ARV1: variants seen among roughly 807,000 people sequenced by gnomAD.
ARV1 encodes the protein protein ARV1.
A neutral mutation model predicts 31.1 loss-of-function variants in ARV1; 26 were observed. That is an observed-to-expected ratio of 0.84 (90% CI 0.61 to 1.16). The LOEUF is 1.16. Ranked by LOEUF, ARV1 falls within the 50% of genes most tolerant of loss-of-function variation. The pLI is 0.00. For synonymous variants in ARV1, 117 were observed against 123.2 expected, an observed-to-expected ratio of 0.95 and a Z score of 0.34; for missense variants, 281 against 324.9, an observed-to-expected ratio of 0.86 and a Z score of 1.04.
intron 1 of ARV1, among the ~76,000 whole-genome samples, chr1:230,983,203 A>C (rs371906807): frequency 2.0e-5 from 3 of 152,138 alleles, no homozygotes; most frequent in African/African-American, 7.2e-5. Context: ...GCACGAGGTC[A>C]GGAGTTCAAG....
chr1:230,990,666 T>C, intron 3 of ARV1: 1 of 356,082 alleles, frequency 2.8e-6, no homozygotes, highest in South Asian at 2.1e-5. Flanking sequence ...GCAATCCTCC[T>C]GCCTCGGCCC....
intron 1 of ARV1, 76 bp from the exon 2 acceptor site, chr1:230,988,244 T>C (rs924940040): frequency 1.5e-6 from 2 of 1,332,510 alleles, no homozygotes; most frequent in African/African-American, 1.5e-5. Flanking sequence ...CAAAATAGAC[T>C]CTGCTGTTTT....
intron 1 of ARV1, among the ~76,000 whole-genome samples, chr1:230,983,715 T>C (rs1409706624): frequency 6.6e-6 from 1 of 152,166 alleles, no homozygotes; most frequent in African/African-American, 2.4e-5. Context: ...GTTTGGCCGA[T>C]TTATATTCTA....
At chr1:230,981,792 C>T (rs1027080087) in intron 1 of ARV1, among the ~76,000 whole-genome samples, 2 of 152,176 alleles carry the variant, frequency 1.3e-5, no homozygotes. Flanking sequence ...TCTCCTGCTA[C>T]TCTTTCCCTT....
At chr1:230,982,724 G>A (rs1572334330) in intron 1 of ARV1, among the ~76,000 whole-genome samples, 1 of 152,296 alleles carries the variant, frequency 6.6e-6, no homozygotes, top group Middle Eastern at 3.4e-3. Context: ...ACGACTCAGG[G>A]AAAATCATTT....
chr1:230,990,673 G>GC (rs899510028), intron 3 of ARV1: 41 of 350,712 alleles, frequency 1.2e-4, no homozygotes, highest in Middle Eastern at 3.8e-4. Flanking sequence ...TCCTGCCTCG[G>GC]CCCCCCCAGG....
chr1:231,000,020 G>GTCT (rs1284476385), intron 5 of ARV1, 118 bp from the exon 6 acceptor site: 3 of 152,158 alleles, frequency 2.0e-5, no homozygotes, highest in African/African-American at 7.2e-5. Context: ...GTCTGGTGCT[G>GTCT]GGAGAGGCAT....
intron 3 of ARV1, 34 bp from the exon 4 acceptor site, chr1:230,995,726 A>G (rs1679341740): frequency 1.3e-6 from 2 of 1,519,232 alleles, no homozygotes; most frequent in East Asian, 4.5e-5. Flanking sequence ...TTGGATGGGG[A>G]CATTCATACT....
chr1:230,990,300 A>C, intron 3 of ARV1, 37 bp downstream of exon 3: 3 of 1,607,724 alleles, frequency 1.9e-6, no homozygotes, highest in Non-Finnish European at 2.5e-6. Flanking sequence ...TTAGTTAACT[A>C]TTCTTACTTA....
intron 1 of ARV1, among the ~76,000 whole-genome samples, chr1:230,985,950 T>G (rs1679054094): frequency 6.6e-6 from 1 of 151,986 alleles, no homozygotes; most frequent in Non-Finnish European, 1.5e-5. Flanking sequence ...GGAATCTTGC[T>G]GTGTTGCCCA....
At chr1:230,982,099 TTC>T (rs780508687) in intron 1 of ARV1, among the ~76,000 whole-genome samples, 2 of 152,234 alleles carry the variant, frequency 1.3e-5, no homozygotes, top group African/African-American at 2.4e-5. Context: ...AGGACAGACA[TTC>T]TCTCTGTTTT....
chr1:230,982,191 A>G (rs1168209760), intron 1 of ARV1, among the ~76,000 whole-genome samples: 1 of 152,230 alleles, frequency 6.6e-6, no homozygotes. Flanking sequence ...GAATAAATGT[A>G]TCACTTCCAG....
Position 230,979,382 on chromosome 1 carries a change from T to C in ARV1, c.174+103T>C, listed in dbSNP as rs560272365. On this transcript the variant is annotated intron_variant, in intron 1 of 5. Coordinates refer to ENST00000310256, the MANE Select transcript of ARV1 (RefSeq NM_022786.3). ...CTGATACAGTCTTTAGTTCGGTAGTTGACATTCCCGCCCGGGATCTTTGCA... is the reference window on the plus strand; with the variant it reads ...CTGATACAGTCTTTAGTTCGGTAGTCGACATTCCCGCCCGGGATCTTTGCA... 8.5e-5 allele frequency: 112 copies of C among 1,312,684 alleles called. No individual in the cohort carries two copies. The African/African-American group carries it at 1.5e-3, about 18-fold the overall frequency. The allele number at this position is 1,312,684 out of a possible 1,614,324, so 81.3% of individuals were successfully genotyped here.
At position 230,979,126 on chromosome 1, in the gene ARV1, C is replaced by A; in HGVS notation, c.21C>A (p.Ser7Arg). 3.8e-6 allele frequency: 6 copies of A among 1,596,734 alleles called. No individual in the cohort carries two copies. Among genetic ancestry groups the A allele is most frequent in the Non-Finnish European group, 5.1e-6 (6 of 1,174,076 alleles). The change falls in exon 1 of 6, where the codon AGC becomes AGA. Residue 7 changes from serine (S) to arginine (R), a missense_variant. By Grantham distance (110) the Ser-to-Arg change is moderately radical. Coordinates refer to ENST00000310256, the MANE Select transcript of ARV1 (RefSeq NM_022786.3). ...TGGAAATGGGCAACGGCGGGCGGAG[C>A]GGCCTGCAGCAGGGGAAGGGGAACG... MGNGGRSGLQQGKGNVD... is the reference protein window; with the variant it reads MGNGGRRGLQQGKGNVD...
intron 1 of ARV1, chr1:230,979,605 TCTC>T (rs1678772999): frequency 3.1e-6 from 1 of 319,330 alleles, no homozygotes; most frequent in Non-Finnish European, 5.8e-6. Flanking sequence ...TTCTAGCTCT[TCTC>T]CCTTTGACAG....
At chr1:230,993,712 T>A (rs888850619) in intron 3 of ARV1, among the ~76,000 whole-genome samples, 1 of 152,082 alleles carries the variant, frequency 6.6e-6, no homozygotes, top group South Asian at 2.1e-4. Flanking sequence ...CTGGGCAACA[T>A]GGCAATATTC....
intron 3 of ARV1, among the ~76,000 whole-genome samples, chr1:230,995,050 A>C (rs1321593610): frequency 6.6e-6 from 1 of 152,248 alleles, no homozygotes; most frequent in Non-Finnish European, 1.5e-5. Context: ...GAATGGATAC[A>C]GTTGGGTAAT....
At chr1:230,986,507 G>A (rs1244476477) in intron 1 of ARV1, among the ~76,000 whole-genome samples, 1 of 151,806 alleles carries the variant, frequency 6.6e-6, no homozygotes, top group Non-Finnish European at 1.5e-5. Flanking sequence ...AATGTTATGC[G>A]TTTGAATTGT....
At position 230,992,348 on chromosome 1, in the gene ARV1, CT is replaced by C. The variant is rs143246381; in HGVS notation, c.448+2086del. On this transcript the variant is annotated intron_variant, in intron 3 of 5. Coordinates refer to ENST00000310256, the MANE Select transcript of ARV1 (RefSeq NM_022786.3). ...TCCTGTGCCCGGAATGCCTGTCCCC[CT>C]GATGCCCAGATGTCTGACTCCTGCA... is the stretch of plus-strand genomic sequence containing the variant. Among the ~76,000 whole-genome samples the C allele has an allele frequency of 9.6e-3, 1,460 of 152,296 alleles. 25 individuals carry two copies. Among genetic ancestry groups the C allele is most frequent in the African/African-American group, 0.033 (1,376 of 41,544 alleles).
Sources: gnomAD v4.1 joint callset for allele counts (sites outside exome capture counted in the v4.1 genomes callset) on GRCh38, gnomAD v4.1.1 for gene constraint, MANE v1.5 for transcripts, NCBI Gene and HGNC (gene_info 2026-07-23, HGNC 2026-07-21) for gene names.